The following SCMH1 variants were observed in gnomAD, a reference collection of about 807,000 sequenced individuals.
SCMH1 encodes the protein polycomb protein SCMH1.
A neutral mutation model predicts 70.8 loss-of-function variants in SCMH1; 37 were observed. The observed-to-expected ratio is 0.52, with a 90% CI of 0.40 to 0.69. The LOEUF (loss-of-function observed/expected upper bound fraction) is 0.69, where lower values mean the gene tolerates loss of function less well. SCMH1 is among the 30% of genes least tolerant of loss of function. The pLI is 0.00. For missense variants in SCMH1, 607 were observed against 827.3 expected (o/e 0.73, Z 3.27); for synonymous variants, 292 against 307.4 (o/e 0.95, Z 0.52).
At chr1:41,200,638 A>G (rs1241954456) in intron 1 of SCMH1, among the ~76,000 whole-genome samples, 2 of 151,824 alleles carry the variant, frequency 1.3e-5, no homozygotes, top group Non-Finnish European at 2.9e-5. Flanking sequence ...TAGTCTCATT[A>G]AACTAAATTA....
chr1:41,228,248 C>T (rs1660640045), intron 1 of SCMH1, among the ~76,000 whole-genome samples: 1 of 152,100 alleles, frequency 6.6e-6, no homozygotes, highest in South Asian at 2.1e-4. Flanking sequence ...TTGCTGCTTA[C>T]TTATTGGGAC....
At chr1:41,154,826 A>C (rs1224224957) in intron 4 of SCMH1, among the ~76,000 whole-genome samples, 1 of 152,244 alleles carries the variant, frequency 6.6e-6, no homozygotes, top group South Asian at 2.1e-4. Context: ...TTCAAACAGT[A>C]TAATTTGAAT....
chr1:41,032,062 GC>G (rs1644601732), intron 13 of SCMH1, among the ~76,000 whole-genome samples: 2 of 152,282 alleles, frequency 1.3e-5, no homozygotes, highest in African/African-American at 4.8e-5. Flanking sequence ...TGAGAAGATG[GC>G]TGTCTATGAA....
At chr1:41,223,031 T>G (rs939717998) in intron 1 of SCMH1, among the ~76,000 whole-genome samples, 1 of 152,158 alleles carries the variant, frequency 6.6e-6, no homozygotes, top group African/African-American at 2.4e-5. Context: ...TGAGGTTGCT[T>G]CATGTTTATT....
At chr1:41,028,518 T>G in intron 14 of SCMH1, 66 bp downstream of exon 15, 2 of 1,595,726 alleles carry the variant, frequency 1.3e-6, no homozygotes, top group South Asian at 2.2e-5. Context: ...AAACATCTCG[T>G]ATTGTCCCCA....
chr1:41,201,556 A>G (rs59213056), intron 1 of SCMH1, among the ~76,000 whole-genome samples: 1,956 of 152,284 alleles, frequency 0.013, 40 homozygotes, highest in African/African-American at 0.045. Flanking sequence ...ATCAAGTGAT[A>G]TTAGTTGTCT....
intron 10 of SCMH1, among the ~76,000 whole-genome samples, chr1:41,066,063 A>G (rs1654492627): frequency 6.6e-6 from 1 of 152,148 alleles, no homozygotes; most frequent in Non-Finnish European, 1.5e-5. Flanking sequence ...CCCTAGTCCA[A>G]GCAGTAACAG....
chr1:41,192,886 G>T (rs1375190614), intron 1 of SCMH1, among the ~76,000 whole-genome samples: 1 of 152,172 alleles, frequency 6.6e-6, no homozygotes, highest in African/African-American at 2.4e-5. Context: ...TAGAGCAGGG[G>T]TTGGCAAACT....
chr1:41,033,518 T>C (rs1644845121), intron 13 of SCMH1, among the ~76,000 whole-genome samples: 1 of 152,106 alleles, frequency 6.6e-6, no homozygotes, highest in African/African-American at 2.4e-5. Context: ...TGCCCTGTCT[T>C]TTCCTATTCC....
rs556305148 is a variant in SCMH1 at position 41,169,066 on chromosome 1, T to C, written c.14-7634A>G. Among the ~76,000 whole-genome samples the C allele has an allele frequency of 3.3e-5, 5 of 152,340 alleles. No homozygotes were observed. In the South Asian group the frequency reaches 1.0e-3, roughly 32 times the overall value. ...GTACTCAAATTCAGGTTGCACCCTC[T>C]GATCCTGAGGAGAAGCTCGTAGAAG... On this transcript the variant is annotated intron_variant, in intron 2 of 14. Coordinates refer to ENST00000337495, the Ensembl canonical transcript of SCMH1.
chr1:41,229,257 C>T (rs1660854910), intron 1 of SCMH1, among the ~76,000 whole-genome samples: 1 of 152,046 alleles, frequency 6.6e-6, no homozygotes, highest in African/African-American at 2.4e-5. Flanking sequence ...GCATTATATG[C>T]CATGCACTGT....
chr1:41,143,065 T>C, exon 6 of SCMH1: 1 of 1,614,128 alleles, frequency 6.2e-7, no homozygotes. Flanking sequence ...GGTCCTGTGC[T>C]TCCAATTTCA....
At chr1:41,070,644 T>G in exon 10 of SCMH1, 1 of 1,614,012 alleles carries the variant, frequency 6.2e-7, no homozygotes, top group Non-Finnish European at 8.5e-7. Flanking sequence ...CATCCTGGGG[T>G]ACAGTGCTGG....
intron 9 of SCMH1, among the ~76,000 whole-genome samples, chr1:41,071,671 CT>C (rs11374978): frequency 4.0e-5 from 6 of 150,596 alleles, no homozygotes; most frequent in African/African-American, 1.5e-4. Context: ...TCCTAAAAGC[CT>C]TTTTTTTTGA....
At chr1:41,103,060 T>C (rs1230325413) in intron 8 of SCMH1, among the ~76,000 whole-genome samples, 1 of 152,158 alleles carries the variant, frequency 6.6e-6, no homozygotes, top group Non-Finnish European at 1.5e-5. Flanking sequence ...TAAGTCATTA[T>C]TGAGATTCAG....
intron 6 of SCMH1, among the ~76,000 whole-genome samples, chr1:41,132,392 ATTGT>A (rs1403970264): frequency 2.0e-5 from 3 of 151,552 alleles, no homozygotes; most frequent in African/African-American, 7.3e-5. Flanking sequence ...TTTTGATGGG[ATTGT>A]TTGTGTTTTT....
intron 8 of SCMH1, among the ~76,000 whole-genome samples, chr1:41,092,384 A>G (rs1413947921): frequency 3.3e-5 from 5 of 152,268 alleles, no homozygotes; most frequent in Admixed American, 3.3e-4. Flanking sequence ...AAGATGGATT[A>G]AAGACTTAAA....
intron 4 of SCMH1, 148 bp from the exon 5 acceptor site, chr1:41,151,832 T>C (rs1489361284): frequency 2.0e-5 from 10 of 498,950 alleles, no homozygotes; most frequent in Non-Finnish European, 3.3e-5. Flanking sequence ...CAAAGGAGTA[T>C]TAAGGGGAAG....
chr1:41,138,246 GT>G (rs1333709549), intron 6 of SCMH1, among the ~76,000 whole-genome samples: 2 of 152,026 alleles, frequency 1.3e-5, no homozygotes, highest in Non-Finnish European at 2.9e-5. Context: ...GAATACAATA[GT>G]TTTACTAAAA....
Sources: allele counts gnomAD v4.1 joint callset (sites outside exome capture counted in the v4.1 genomes callset), GRCh38; gene constraint gnomAD v4.1.1; transcripts MANE v1.5; gene names NCBI Gene and HGNC (gene_info 2026-07-23, HGNC 2026-07-21).